Variants in NOMO1 observed in about 807,000 individuals in gnomAD.
The protein encoded by NOMO1 is NODAL modulator 1, also known as nodal modulator 3.
A neutral mutation model predicts 133.8 loss-of-function variants in NOMO1; 40 were observed. The observed-to-expected ratio is 0.30, with a 90% CI of 0.23 to 0.39. The LOEUF (loss-of-function observed/expected upper bound fraction) is 0.39. Among genes scored for constraint, NOMO1 ranks in the 10% least tolerant of loss-of-function variants. NOMO1 has a pLI of 1.00. For synonymous variants in NOMO1, 236 were observed against 570.5 expected (o/e 0.41, Z 8.36); for missense variants, 462 against 1,419.9 (o/e 0.33, Z 10.84).
At chr16:14,839,475 G>A (rs1963572757) in intron 2 of NOMO1, among the ~76,000 whole-genome samples, 1 of 151,918 alleles carries the variant, frequency 6.6e-6, no homozygotes, top group Non-Finnish European at 1.5e-5. Flanking sequence ...CATGCACATC[G>A]ATATGTATCC....
At chr16:14,892,630 C>G (rs1361000619) in intron 29 of NOMO1, among the ~76,000 whole-genome samples, 1 of 148,096 alleles carries the variant, frequency 6.8e-6, no homozygotes, top group African/African-American at 2.5e-5. Context: ...AAAAAAAAAG[C>G]TATGCCTGCT....
At chr16:14,870,637 C>G (rs2151004295) in intron 16 of NOMO1, among the ~76,000 whole-genome samples, 1 of 148,670 alleles carries the variant, frequency 6.7e-6, no homozygotes, top group South Asian at 2.2e-4. Flanking sequence ...CCTTCTTACC[C>G]ATCAGTTCAG....
At chr16:14,837,272 A>G (rs2606871) in intron 1 of NOMO1, among the ~76,000 whole-genome samples, 1,828 of 147,962 alleles carry the variant, frequency 0.012, 1 homozygote, top group African/African-American at 0.046. Flanking sequence ...GCCTCCCAAA[A>G]TGCTGGGATT....
At chr16:14,868,518 G>A (rs1286395777) in intron 15 of NOMO1, 30 bp from the exon 16 acceptor site, 3 of 1,606,334 alleles carry the variant, frequency 1.9e-6, no homozygotes. Context: ...ATCTCTCTTA[G>A]TAGTCATTGT....
intron 29 of NOMO1, among the ~76,000 whole-genome samples, chr16:14,894,780 G>A (rs1169738106): frequency 6.6e-6 from 1 of 152,126 alleles, no homozygotes; most frequent in East Asian, 1.9e-4. Flanking sequence ...AGTTTCAGAA[G>A]CAAATAGTGA....
rs760346598 is a variant in NOMO1, at chr16:14,853,592, G to A, written c.861G>A (p.Gly287=). Residue 287 remains glycine (G), a synonymous_variant, in exon 8 of 31, where the codon GGG becomes GGA. Transcript: ENST00000287667. ...GSFSFYSLPS[G]GYTVIPFYRG... is the part of the protein sequence containing the mutation. ...TCTCTTTCTATTCCTTGCCAAGTGG[G>A]GGCTACACTGTGGTGAGTAAAGCAG... is the stretch of plus-strand genomic sequence containing the variant. 44 of 1,610,990 alleles carry A rather than the reference G, an allele frequency of 2.7e-5. No homozygotes were observed. Among genetic ancestry groups the A allele is most frequent in the African/African-American group, 5.4e-5 (4 of 74,300 alleles).
At chr16:14,836,828 C>T (rs1597089096) in intron 1 of NOMO1, among the ~76,000 whole-genome samples, 1 of 150,934 alleles carries the variant, frequency 6.6e-6, no homozygotes, top group East Asian at 1.9e-4. Context: ...GCCTCAGCCT[C>T]CCGAGTAGCT....
chr16:14,871,656 T>A lies in NOMO1; in HGVS notation c.1930T>A (p.Phe644Ile). The A allele has an allele frequency of 1.2e-6, 2 of 1,610,164 alleles. No individual in the cohort carries two copies. The highest frequency in any genetic ancestry group is 1.7e-6 in the Non-Finnish European group (2 of 1,179,104). The change falls in exon 17 of 31, where the codon TTT becomes ATT. Residue 644 changes from phenylalanine (F) to isoleucine (I), a missense_variant. Transcript: ENST00000287667. ...AGTGACCCCTCGCTCCTGCCACCGG[T>A]TTGAGCAAGCGTTCTACACCTATGA... ...YKVTPRSCHR[F>I]EQAFYTYDTS...
intron 8 of NOMO1, 50 bp downstream of exon 8, chr16:14,853,654 C>T: frequency 6.2e-7 from 1 of 1,611,348 alleles, no homozygotes; most frequent in Non-Finnish European, 8.5e-7. Context: ...TCTCATGACA[C>T]AGTAAAAGCC....
chr16:14,867,023 A>C (rs1322511396), intron 15 of NOMO1, among the ~76,000 whole-genome samples: 3 of 145,052 alleles, frequency 2.1e-5, no homozygotes, highest in African/African-American at 8.0e-5. Flanking sequence ...TCTCAGCCTC[A>C]GTTTTCACCG....
chr16:14,845,312 A>G (rs995905673), intron 4 of NOMO1, among the ~76,000 whole-genome samples: 2 of 152,002 alleles, frequency 1.3e-5, no homozygotes, highest in Non-Finnish European at 2.9e-5. Flanking sequence ...TGCTGGGATT[A>G]CAGGTGTACG....
In NOMO1 at chr16:14,851,427, T is replaced by C. The variant is rs1341209730; in HGVS notation, c.583-1003T>C. 4.0e-5 allele frequency among the ~76,000 whole-genome samples: 6 copies of C among 150,016 alleles called. No individual in the cohort carries two copies. In the South Asian group the frequency reaches 1.1e-3, roughly 27 times the overall value. ...ACCTTAACAAAAATGTTTAAAAATA[T>C]ACACATATTGTGAAAAGAACAACTT... On this transcript the variant is annotated intron_variant, in intron 6 of 30. Coordinates refer to ENST00000287667, the MANE Select transcript of NOMO1 (RefSeq NM_014287.4).
rs1242357316 is a variant in NOMO1 at position 14,875,067 on chromosome 16, T to C, written c.2086T>C (p.Leu696=). 8.1e-6 allele frequency: 13 copies of C among 1,613,818 alleles called. 1 individual carries two copies. Among genetic ancestry groups the C allele is most frequent in the Non-Finnish European group, 1.0e-5 (12 of 1,179,840 alleles). The change falls in exon 19 of 31, where the codon TTA becomes CTA. Residue 696 remains leucine (L), a synonymous_variant. Transcript: ENST00000287667. ...SSIDSEPALV[L]GPLKSVQELR... is the part of the protein sequence containing the mutation. ...CATCGACAGTGAACCCGCCTTGGTC[T>C]TAGGCCCTCTGAAGTCTGTGCAGGA...
intron 18 of NOMO1, among the ~76,000 whole-genome samples, chr16:14,874,464 C>G (rs1030044578): frequency 6.6e-5 from 10 of 152,082 alleles, no homozygotes; most frequent in Non-Finnish European, 1.5e-4. Context: ...TCCCTTCCTT[C>G]AGACCTTTGC....
intron 1 of NOMO1, among the ~76,000 whole-genome samples, chr16:14,835,416 C>T (rs935896918): frequency 6.0e-5 from 9 of 151,020 alleles, no homozygotes; most frequent in East Asian, 5.9e-4. Flanking sequence ...TGGCTGTAGA[C>T]GGCACAGGGC....
intron 3 of NOMO1, among the ~76,000 whole-genome samples, chr16:14,843,481 A>G (rs1031547094): frequency 3.9e-5 from 6 of 152,106 alleles, no homozygotes; most frequent in East Asian, 1.9e-4. Context: ...CCAGCAGTGT[A>G]CAAGGGTTTC....
At chr16:14,859,887 A>G (rs1267695145) in intron 11 of NOMO1, among the ~76,000 whole-genome samples, 1 of 152,006 alleles carries the variant, frequency 6.6e-6, no homozygotes, top group African/African-American at 2.4e-5. Flanking sequence ...TAAAGACTAA[A>G]AGTTAGCTAA....
chr16:14,842,997 T>G (rs1963628388), intron 3 of NOMO1, among the ~76,000 whole-genome samples: 1 of 145,682 alleles, frequency 6.9e-6, no homozygotes, highest in Non-Finnish European at 1.5e-5. Flanking sequence ...CTCAGTTCAC[T>G]GCAACTTCTG....
rs1013316754 is a variant in NOMO1, at chr16:14,864,540, A to C, written c.1396-45A>C. On this transcript the variant is annotated intron_variant, in intron 12 of 30. Coordinates refer to ENST00000287667, the MANE Select transcript of NOMO1 (RefSeq NM_014287.4). ...TAGCGCCCTGTAGGTCAGGGGGAAG[A>C]TCTCCCCGAATGCAGCCTCTAACGT... is the stretch of plus-strand genomic sequence containing the variant. 1.9e-6 allele frequency: 3 copies of C among 1,612,078 alleles called. No homozygotes were observed. In the African/African-American group the frequency reaches 4.0e-5, roughly 22 times the overall value.
Sources: gnomAD v4.1 joint callset for allele counts (sites outside exome capture counted in the v4.1 genomes callset) on GRCh38, gnomAD v4.1.1 for gene constraint, MANE v1.5 for transcripts, NCBI Gene and HGNC (gene_info 2026-07-23, HGNC 2026-07-21) for gene names.